PCDHGA12: variants seen among roughly 807,000 people sequenced by gnomAD.
PCDHGA12 encodes protocadherin gamma-A12.
A neutral mutation model predicts 61.1 loss-of-function variants in PCDHGA12; 43 were observed. The ratio of observed to expected loss-of-function variants is 0.70; its 90% confidence interval spans 0.55 to 0.91. The LOEUF is 0.91. Among genes scored for constraint, PCDHGA12 ranks in the 40% least tolerant of loss-of-function variants. PCDHGA12 has a pLI of 0.00. For synonymous variants in PCDHGA12, 520 were observed against 542.9 expected, an observed-to-expected ratio of 0.96 and a Z score of 0.59; for missense variants, 1,236 against 1,227.7, an observed-to-expected ratio of 1.01 and a Z score of -0.10.
At chr5:141,455,289 A>G (rs1592356100) in intron 1 of PCDHGA12, among the ~76,000 whole-genome samples, 2 of 152,192 alleles carry the variant, frequency 1.3e-5, no homozygotes, top group East Asian at 3.9e-4. Context: ...ATCACTTTAC[A>G]TAGTTTCATC....
chr5:141,492,719 C>A (rs1367632029), intron 1 of PCDHGA12, among the ~76,000 whole-genome samples: 1 of 152,280 alleles, frequency 6.6e-6, no homozygotes, highest in Non-Finnish European at 1.5e-5. Context: ...AGCAGGCGGA[C>A]AGGCAGAGCT....
At chr5:141,464,408 T>C (rs2154568477) in intron 1 of PCDHGA12, among the ~76,000 whole-genome samples, 1 of 151,718 alleles carries the variant, frequency 6.6e-6, no homozygotes, top group African/African-American at 2.4e-5. Flanking sequence ...CTGAGATATA[T>C]ATATATCTAT....
Position 141,511,344 on chromosome 5 carries a change from T to G in PCDHGA12, c.*171T>G, listed in dbSNP as rs2099883730. 3 of 1,419,052 alleles carry G rather than the reference T, an allele frequency of 2.1e-6. No homozygotes were observed. Among genetic ancestry groups the G allele is most frequent in the Non-Finnish European group, 2.8e-6 (3 of 1,067,404 alleles). 87.9% of individuals were successfully genotyped at this position (1,419,052 alleles called of 1,614,324 possible). On this transcript the variant is annotated 3_prime_UTR_variant, in exon 4 of 4. Coordinates refer to ENST00000252085, the MANE Select transcript of PCDHGA12 (RefSeq NM_003735.3). The stretch of plus-strand genomic sequence containing the variant: ...CAAGTGCCCAGTCAGCACCTACCCC[T>G]TCCCCCCCAGGGGGTTGAATATGCA...
chr5:141,431,984 G>A lies in PCDHGA12; in HGVS notation c.1225G>A (p.Val409Ile), dbSNP rs758365921. 2 of 1,614,220 alleles carry A rather than the reference G, an allele frequency of 1.2e-6. No individual in the cohort carries two copies. The highest frequency in any genetic ancestry group is 2.2e-5 in the South Asian group (2 of 91,086). The change falls in exon 1 of 4, where the codon GTC becomes ATC. Residue 409 changes from valine (V) to isoleucine (I), a missense_variant. By Grantham distance (29) the Val-to-Ile change is conservative (BLOSUM62 3). Transcript: ENST00000252085. The surrounding 1 kb of genome is among the most constrained non-coding windows in gnomAD (Gnocchi z 4.8). ...TTACTATAGTTTAGTCACAGACATAGTCTTGGATAGGGAACAGGTTCCTAG... is the reference window on the plus strand; with the variant it reads ...TTACTATAGTTTAGTCACAGACATAATCTTGGATAGGGAACAGGTTCCTAG... ...GNYYSLVTDIVLDREQVPSYN... is the reference protein window; with the variant it reads ...GNYYSLVTDIILDREQVPSYN...
In PCDHGA12 at chr5:141,431,509, C is replaced by T. The variant is rs774558486; in HGVS notation, c.750C>T (p.Ser250=). The T allele has an allele frequency of 3.1e-6, 5 of 1,613,992 alleles. 1 individual carries two copies. In the Admixed American group the frequency reaches 5.0e-5, roughly 16 times the overall value. The change falls in exon 1 of 4, where the codon AGC becomes AGT. Residue 250 remains serine, a synonymous_variant. Coordinates refer to ENST00000252085, the MANE Select transcript of PCDHGA12 (RefSeq NM_003735.3). This position sits in a 1 kb window ranked among gnomAD's most constrained non-coding sequence, Gnocchi z 4.8. ...TTGCTCAGCCCGAGTACCGCGCGAG[C>T]GTTCCGGAGAATCTGGCCTTGGGCA... ...PAFAQPEYRA[S]VPENLALGTQ...
rs143638501 is a variant in PCDHGA12, at chr5:141,486,817, T to C, written c.2425-7990T>C. On this transcript the variant is annotated intron_variant, in intron 1 of 3. Coordinates refer to ENST00000252085, the MANE Select transcript of PCDHGA12 (RefSeq NM_003735.3). This position sits in a 1 kb window ranked among gnomAD's most constrained non-coding sequence, Gnocchi z 5.0. ...GGGGCAACCCACCCCTTAGCAGCACTGTAACAGTTCGTCTATTTGTGCTGG... is the reference window on the plus strand; with the variant it reads ...GGGGCAACCCACCCCTTAGCAGCACCGTAACAGTTCGTCTATTTGTGCTGG... 153 of 1,614,220 alleles carry C rather than the reference T, an allele frequency of 9.5e-5. 1 individual carries two copies. In the African/African-American group the frequency reaches 1.4e-3, roughly 15 times the overall value.
intron 1 of PCDHGA12, chr5:141,478,545 A>T: frequency 6.2e-7 from 1 of 1,605,606 alleles, no homozygotes; most frequent in Admixed American, 1.7e-5. Context: ...CCTCCCGGAC[A>T]GGTAAGGTTT....
In PCDHGA12 at chr5:141,502,614, T is replaced by C. The variant is rs534996288; in HGVS notation, c.2484-2779T>C. Among the ~76,000 whole-genome samples the C allele has an allele frequency of 7.2e-5, 11 of 152,316 alleles. No homozygotes were observed. In the East Asian group the frequency reaches 1.7e-3, roughly 24 times the overall value. ...AGATATTTTAAAATATTTGTGAAAATATAAGTAATCTGTGGATGATACTTT... is the reference window on the plus strand; with the variant it reads ...AGATATTTTAAAATATTTGTGAAAACATAAGTAATCTGTGGATGATACTTT... On this transcript the variant is annotated intron_variant, in intron 2 of 3. Transcript: ENST00000252085.
intron 1 of PCDHGA12, among the ~76,000 whole-genome samples, chr5:141,456,621 G>T (rs6885794): frequency 0.55 from 83,339 of 152,038 alleles, 25,195 homozygotes; most frequent in African/African-American, 0.82. Context: ...CTGTAGATTT[G>T]CCTCTTCTTT....
At chr5:141,482,768 CTGA>C (rs2099572195) in intron 1 of PCDHGA12, among the ~76,000 whole-genome samples, 1 of 126,868 alleles carries the variant, frequency 7.9e-6, no homozygotes, top group Admixed American at 7.7e-5. Flanking sequence ...TTCATTATCA[CTGA>C]ACCTTAAACT....
At chr5:141,504,959 T>C (rs1297800554) in intron 2 of PCDHGA12, among the ~76,000 whole-genome samples, 2 of 152,038 alleles carry the variant, frequency 1.3e-5, no homozygotes, top group Non-Finnish European at 2.9e-5. Flanking sequence ...GTTCAATGCA[T>C]TGGACCAGCC....
rs771608897 is a variant in PCDHGA12, at chr5:141,490,857, C to T, written c.2425-3950C>T. 58 of 1,613,714 alleles carry T rather than the reference C, an allele frequency of 3.6e-5. 1 individual carries two copies. The highest frequency in any genetic ancestry group is 1.8e-4 in the Admixed American group (11 of 59,992). Reference sequence around the variant, plus strand: ...AGATTGTGGTGGGGGTTCGAGACTCCGGCTCTCCCCCATTGCATGCCAACA... The same window carrying T: ...AGATTGTGGTGGGGGTTCGAGACTCTGGCTCTCCCCCATTGCATGCCAACA... On this transcript the variant is annotated intron_variant, in intron 1 of 3. Transcript: ENST00000252085. The surrounding 1 kb of genome is among the most constrained non-coding windows in gnomAD (Gnocchi z 5.4).
intron 1 of PCDHGA12, chr5:141,478,437 A>G (rs2099455876): frequency 6.2e-7 from 1 of 1,613,758 alleles, no homozygotes; most frequent in African/African-American, 1.3e-5. Flanking sequence ...CCGCTGCTGA[A>G]GAAACCTGGT....
chr5:141,455,148 A>G (rs6897410), intron 1 of PCDHGA12, among the ~76,000 whole-genome samples: 9,268 of 149,002 alleles, frequency 0.062, 567 homozygotes, highest in African/African-American at 0.16. Flanking sequence ...TTAAATAAAT[A>G]TTAGTTTGTT....
In PCDHGA12 at chr5:141,485,186, G is replaced by T; in HGVS notation, c.2425-9621G>T. ...GCGGGCGGCAGCAATGCTCCGCAAG[G>T]TGAGAAGCTGGACAGAAATCTGGCG... On this transcript the variant is annotated intron_variant, in intron 1 of 3. Coordinates refer to ENST00000252085, the MANE Select transcript of PCDHGA12 (RefSeq NM_003735.3). This position sits in a 1 kb window ranked among gnomAD's most constrained non-coding sequence, Gnocchi z 5.7. 1 of 1,613,706 alleles carries T rather than the reference G, an allele frequency of 6.2e-7. No individual in the cohort carries two copies. The highest frequency in any genetic ancestry group is 8.5e-7 in the Non-Finnish European group (1 of 1,179,644).
chr5:141,480,402 G>A (rs1268532373), intron 1 of PCDHGA12, among the ~76,000 whole-genome samples: 2 of 145,838 alleles, frequency 1.4e-5, no homozygotes, highest in African/African-American at 2.6e-5. Flanking sequence ...GCAATAGAGT[G>A]AGACCCTGTC....
chr5:141,478,418 C>T, intron 1 of PCDHGA12: 1 of 1,613,650 alleles, frequency 6.2e-7, no homozygotes, highest in Non-Finnish European at 8.5e-7. Context: ...GGACTCCCGC[C>T]GCAGCGACCC....
intron 1 of PCDHGA12, chr5:141,479,646 A>G (rs2099501987): frequency 6.6e-6 from 1 of 152,256 alleles, no homozygotes; most frequent in Admixed American, 6.5e-5. Context: ...CAACAACAAC[A>G]ACAACAATCC....
chr5:141,454,407 T>TTTTA (rs1029547484), intron 1 of PCDHGA12, among the ~76,000 whole-genome samples: 21 of 152,236 alleles, frequency 1.4e-4, no homozygotes, highest in Admixed American at 1.2e-3. Flanking sequence ...GCTTATTCCT[T>TTTTA]TTTATTTATT....
Sources: gnomAD v4.1 joint callset for allele counts (sites outside exome capture counted in the v4.1 genomes callset) on GRCh38, gnomAD v4.1.1 for gene constraint, Gnocchi (gnomAD v3.1) non-coding constraint, MANE v1.5 for transcripts, NCBI Gene and HGNC (gene_info 2026-07-23, HGNC 2026-07-21) for gene names.